HIVEP1: variants seen among roughly 807,000 people sequenced by gnomAD.
The protein encoded by HIVEP1 is zinc finger protein 40.
HIVEP1 carries 36 observed loss-of-function variants against 180.0 expected under a neutral mutation model. The ratio of observed to expected loss-of-function variants is 0.20; its 90% confidence interval spans 0.15 to 0.26. HIVEP1 has a LOEUF of 0.26. HIVEP1 is among the 10% of genes least tolerant of loss of function. The pLI, the probability that HIVEP1 is intolerant of heterozygous loss-of-function variation, is 1.00. For missense variants in HIVEP1, 3,143 were observed against 3,268.7 expected (o/e 0.96, Z 0.94); for synonymous variants, 1,239 against 1,239.0 (o/e 1.00, Z 0.00).
chr6:12,129,965 T>C, intron 5 of HIVEP1, 73 bp downstream of exon 5: 1 of 1,071,276 alleles, frequency 9.3e-7, no homozygotes. Flanking sequence ...TTCATGTGAA[T>C]GAAGACTTAG....
At chr6:12,187,811 C>T in the HIVEP1 span, among the ~76,000 whole-genome samples, 2 of 152,034 alleles carry the variant, frequency 1.3e-5, no homozygotes. Flanking sequence ...GTCTTGAACC[C>T]CTGACATCAA....
intron 7 of HIVEP1, among the ~76,000 whole-genome samples, chr6:12,151,851 G>C (rs1437475412): frequency 6.6e-6 from 1 of 152,158 alleles, no homozygotes; most frequent in Non-Finnish European, 1.5e-5. Flanking sequence ...GCCACATGCA[G>C]CTGGTGACCA....
intron 2 of HIVEP1, among the ~76,000 whole-genome samples, chr6:12,061,446 G>C (rs1771225156): frequency 6.6e-6 from 1 of 152,160 alleles, no homozygotes; most frequent in African/African-American, 2.4e-5. Flanking sequence ...TACTAACCTG[G>C]TATCATTGTT....
At chr6:12,128,860 G>C (rs1466479919) in intron 4 of HIVEP1, among the ~76,000 whole-genome samples, 2 of 152,024 alleles carry the variant, frequency 1.3e-5, no homozygotes, top group Non-Finnish European at 2.9e-5. Context: ...TAACTTTTTG[G>C]CTAGACCTGG....
chr6:12,044,347 C>G (rs1336443330), intron 2 of HIVEP1, among the ~76,000 whole-genome samples: 1 of 152,188 alleles, frequency 6.6e-6, no homozygotes, highest in South Asian at 2.1e-4. Flanking sequence ...ATTCTAATTT[C>G]TAAACAATAA....
chr6:12,121,873 C>A lies in HIVEP1; in HGVS notation c.2078C>A (p.Ala693Asp). Residue 693 changes from alanine (A) to aspartate (D), a missense_variant, in exon 4 of 9, where the codon GCC becomes GAC. By Grantham distance (126) the Ala-to-Asp change is moderately radical (BLOSUM62 -2). Around this residue, in one of 12 missense-constraint regions of HIVEP1, gnomAD observed 365 missense variants for 344.4 expected, o/e 1.06. Coordinates refer to ENST00000379388, the MANE Select transcript of HIVEP1 (RefSeq NM_002114.4). This position sits in a 1 kb window ranked among gnomAD's most constrained non-coding sequence, Gnocchi z 5.3. ...ACAGTGAGTCCACCAACTCCCTTTG[C>A]CAGAAGGTTACCCAGCACAGAACAA... ...DQTVSPPTPF[A>D]RRLPSTEQDS... 6.2e-7 allele frequency: 1 copy of A among 1,614,160 alleles called. No homozygotes were observed. The highest frequency in any genetic ancestry group is 8.5e-7 in the Non-Finnish European group (1 of 1,180,004).
chr6:12,122,845 G>C lies in HIVEP1; in HGVS notation c.3050G>C (p.Gly1017Ala). 2 of 1,614,112 alleles carry C rather than the reference G, an allele frequency of 1.2e-6. No homozygotes were observed. Among genetic ancestry groups the C allele is most frequent in the Non-Finnish European group, 1.7e-6 (2 of 1,180,012 alleles). ...QPQILHYRVAGSSGIWEQTPQ... is the reference protein window; with the variant it reads ...QPQILHYRVAASSGIWEQTPQ... ...CAGATTCTACACTACAGAGTCGCTG[G>C]GTCCTCCGGCATCTGGGAACAGACG... Residue 1017 changes from glycine to alanine, a missense_variant, in exon 4 of 9, where the codon GGG becomes GCG. By Grantham distance (60) the Gly-to-Ala change is moderately conservative. Around this residue, in one of 12 missense-constraint regions of HIVEP1, gnomAD observed 1,357 missense variants for 1,260.5 expected, o/e 1.08. Transcript: ENST00000379388.
chr6:12,129,500 G>A (rs1758288998), intron 4 of HIVEP1: 1 of 558,236 alleles, frequency 1.8e-6, no homozygotes, highest in Admixed American at 2.3e-5. Context: ...TGGTATAGGA[G>A]GTTGTAAAGC....
intron 3 of HIVEP1, among the ~76,000 whole-genome samples, chr6:12,102,096 A>G (rs1337038470): frequency 6.6e-6 from 1 of 152,176 alleles, no homozygotes; most frequent in Non-Finnish European, 1.5e-5. Context: ...CTTAAAATAC[A>G]TGAAGCAAAA....
Position 12,014,296 on chromosome 6 carries a change from C to A in HIVEP1, c.-103-1230C>A, listed in dbSNP as rs11966634. Among the ~76,000 whole-genome samples, 996 of 152,266 alleles carry A rather than the reference C, an allele frequency of 6.5e-3. 17 individuals carry two copies. The highest frequency in any genetic ancestry group is 0.021 in the African/African-American group (852 of 41,536). ...CTGAAAGTAGATGTTATCAGCTCCA[C>A]AAAATAAGCACTGGATATAACTGAG... On this transcript the variant is annotated intron_variant, in intron 1 of 8. Coordinates refer to ENST00000379388, the MANE Select transcript of HIVEP1 (RefSeq NM_002114.4).
At chr6:12,133,000 C>G (rs965000006) in intron 6 of HIVEP1, among the ~76,000 whole-genome samples, 5 of 152,078 alleles carry the variant, frequency 3.3e-5, no homozygotes, top group Non-Finnish European at 7.4e-5. Context: ...ACTTGCTATA[C>G]TAGCCAGTAG....
the HIVEP1 span, among the ~76,000 whole-genome samples, chr6:12,205,470 CA>C: frequency 2.2e-3 from 307 of 137,828 alleles, 2 homozygotes; most frequent in East Asian, 7.9e-3. Flanking sequence ...GACTCCATCT[CA>C]AAAAAAAAAA....
At chr6:12,108,713 G>A (rs1464097541) in intron 3 of HIVEP1, among the ~76,000 whole-genome samples, 3 of 152,194 alleles carry the variant, frequency 2.0e-5, no homozygotes, top group East Asian at 1.9e-4. Flanking sequence ...ACGCCCACCC[G>A]GAGCTCCAGC....
At chr6:12,085,168 T>C (rs78527677) in intron 2 of HIVEP1, among the ~76,000 whole-genome samples, 3,376 of 152,192 alleles carry the variant, frequency 0.022, 135 homozygotes, top group African/African-American at 0.077. Context: ...TTATGAGCTA[T>C]GCAGCTCTAG....
intron 4 of HIVEP1, among the ~76,000 whole-genome samples, chr6:12,126,131 A>G (rs958215833): frequency 6.6e-6 from 1 of 152,184 alleles, no homozygotes; most frequent in Non-Finnish European, 1.5e-5. Context: ...TCAGCTAACT[A>G]TATAAGTCTT....
downstream of HIVEP1, among the ~76,000 whole-genome samples, chr6:12,168,335 T>TATACATATATATTATA (rs1562025010): frequency 2.5e-4 from 9 of 36,494 alleles, no homozygotes; most frequent in African/African-American, 8.6e-4. Flanking sequence ...TATTATATAA[T>TATACATATATATTATA]TATATATACA....
At chr6:12,127,326 T>G (rs1758145098) in intron 4 of HIVEP1, among the ~76,000 whole-genome samples, 1 of 152,202 alleles carries the variant, frequency 6.6e-6, no homozygotes. Context: ...CAATGATACT[T>G]TCTCAGTGAA....
the HIVEP1 span, among the ~76,000 whole-genome samples, chr6:12,207,179 G>A: frequency 6.6e-6 from 1 of 152,266 alleles, no homozygotes; most frequent in South Asian, 2.1e-4. Flanking sequence ...GAGGCACCTC[G>A]TTTTGATTGC....
chr6:12,134,359 G>C (rs1435058388), intron 6 of HIVEP1, among the ~76,000 whole-genome samples: 2 of 152,128 alleles, frequency 1.3e-5, no homozygotes, highest in East Asian at 3.8e-4. Flanking sequence ...TCTTAAGCCT[G>C]ACCTCCTTAA....
Sources: allele counts gnomAD v4.1 joint callset (sites outside exome capture counted in the v4.1 genomes callset), GRCh38; gene constraint gnomAD v4.1.1; regional missense constraint gnomAD v4.1.1; non-coding constraint Gnocchi (gnomAD v3.1); transcripts MANE v1.5; gene names NCBI Gene and HGNC (gene_info 2026-07-23, HGNC 2026-07-21).